Variants in RCOR3 observed in about 807,000 individuals in gnomAD.
RCOR3 encodes the protein REST corepressor 3.
Under a neutral mutation model 64.1 loss-of-function variants are expected in RCOR3, and 13 were observed. The observed-to-expected ratio is 0.20, with a 90% CI of 0.13 to 0.32. The LOEUF (loss-of-function observed/expected upper bound fraction) is 0.32, where lower values mean the gene tolerates loss of function less well. Ranked by LOEUF, RCOR3 falls within the 10% of genes least tolerant of loss-of-function variation. RCOR3 has a pLI of 1.00. For missense variants in RCOR3, 489 were observed against 701.2 expected (o/e 0.70, Z 3.42); for synonymous variants, 215 against 239.0 (o/e 0.90, Z 0.93).
At chr1:211,260,515 G>A (rs572912417) in intron 2 of RCOR3, among the ~76,000 whole-genome samples, 1 of 152,376 alleles carries the variant, frequency 6.6e-6, no homozygotes, top group Non-Finnish European at 1.5e-5. Flanking sequence ...CGGACTGTAT[G>A]GACGAACCGT....
chr1:211,260,085 TA>T (rs775664350), intron 1 of RCOR3, 22 bp from the exon 2 acceptor site: 2 of 1,577,780 alleles, frequency 1.3e-6, no homozygotes, highest in South Asian at 1.2e-5. Flanking sequence ...TTTTTATATA[TA>T]TTTTTTGGCA....
intron 2 of RCOR3, among the ~76,000 whole-genome samples, chr1:211,265,316 A>G (rs1246720703): frequency 1.3e-5 from 2 of 152,250 alleles, no homozygotes; most frequent in Admixed American, 6.5e-5. Context: ...ATATGTAGAC[A>G]AGCTTCTAAC....
At chr1:211,263,315 C>A (rs1300238852) in intron 2 of RCOR3, among the ~76,000 whole-genome samples, 2 of 151,920 alleles carry the variant, frequency 1.3e-5, no homozygotes, top group African/African-American at 4.8e-5. Flanking sequence ...CTATTGTTAA[C>A]CAACTTAATT....
At chr1:211,291,556 T>C (rs942085451) in intron 8 of RCOR3, 1 of 456,212 alleles carries the variant, frequency 2.2e-6, no homozygotes, top group South Asian at 1.5e-5. Flanking sequence ...TTGGACTGTA[T>C]CCCCTGCGGA....
Position 211,313,860 on chromosome 1 carries a change from T to TCTAGATAC in RCOR3, c.*93_*100dup. On this transcript the variant is annotated 3_prime_UTR_variant, in exon 12 of 12. Coordinates refer to ENST00000419091, the MANE Select transcript of RCOR3 (RefSeq NM_001136223.3). The surrounding 1 kb of genome is among the most constrained non-coding windows in gnomAD (Gnocchi z 4.7). ...TGAAAAAGAGGAAAGAATAATCATTTCTAGATACTGAGGCTGCGAACTAGT... is the reference window on the plus strand; with the variant it reads ...TGAAAAAGAGGAAAGAATAATCATTTCTAGATACCTAGATACTGAGGCTGCGAACTAGT... 1 of 1,188,438 alleles carries TCTAGATAC rather than the reference T, an allele frequency of 8.4e-7. No homozygotes were observed. The highest frequency in any genetic ancestry group is 1.2e-6 in the Non-Finnish European group (1 of 847,540). The allele number at this position is 1,188,438 out of a possible 1,614,324, so 73.6% of individuals were successfully genotyped here. A position where few individuals can be genotyped will look rare whatever the true frequency, so the allele number is the denominator to read the frequency against.
rs531483623 is a variant in RCOR3, at chr1:211,314,572, C to G, written c.*804C>G. 1 of 152,256 alleles carries G rather than the reference C, an allele frequency of 6.6e-6. No individual in the cohort carries two copies. The highest frequency in any genetic ancestry group is 6.5e-5 in the Admixed American group (1 of 15,300). The allele number at this position is 152,256 out of a possible 1,614,324, so 9.4% of individuals were successfully genotyped here. ...AGGACTTAATTTGTTGAAATATAAT[C>G]TCTTTAAGTTCCTTGAAAATGGAGT... On this transcript the variant is annotated 3_prime_UTR_variant, in exon 12 of 12. Coordinates refer to ENST00000419091, the MANE Select transcript of RCOR3 (RefSeq NM_001136223.3).
At chr1:211,264,655 C>T (rs546138764) in intron 2 of RCOR3, among the ~76,000 whole-genome samples, 1 of 151,932 alleles carries the variant, frequency 6.6e-6, no homozygotes, top group Non-Finnish European at 1.5e-5. Context: ...CTGTACTATA[C>T]CCTGGGTGAC....
chr1:211,308,668 T>TTG (rs1455359402), intron 10 of RCOR3, among the ~76,000 whole-genome samples: 1 of 25,128 alleles, frequency 4.0e-5, no homozygotes, highest in African/African-American at 9.1e-5. Context: ...TGTGTTTTTT[T>TTG]TTTTGTTTTT....
chr1:211,259,763 C>A, intron 1 of RCOR3, 37 bp downstream of exon 1: 2 of 1,042,866 alleles, frequency 1.9e-6, no homozygotes, highest in Non-Finnish European at 1.3e-6. Flanking sequence ...AGCCCGCCTG[C>A]CCCCCTCCCT....
intron 2 of RCOR3, among the ~76,000 whole-genome samples, chr1:211,261,620 G>GTGCT (rs1694286485): frequency 6.6e-6 from 1 of 152,110 alleles, no homozygotes; most frequent in African/African-American, 2.4e-5. Flanking sequence ...GCACATTTTG[G>GTGCT]CTTTAAGAGA....
chr1:211,259,461 T>C lies in RCOR3; in HGVS notation c.-100T>C. ...CTCCTCCGCCGCCGCCGCCGTCTCC[T>C]CCTCCTCCTCCTTTCCCTCCCGCCC... On this transcript the variant is annotated 5_prime_UTR_variant, in exon 1 of 12. Coordinates refer to ENST00000419091, the MANE Select transcript of RCOR3 (RefSeq NM_001136223.3). The C allele has an allele frequency of 1.6e-6, 2 of 1,218,568 alleles. No homozygotes were observed. The highest frequency in any genetic ancestry group is 2.2e-6 in the Non-Finnish European group (2 of 891,158). 75.5% of individuals were successfully genotyped at this position (1,218,568 alleles called of 1,614,324 possible).
intron 1 of RCOR3, 57 bp downstream of exon 1, chr1:211,259,783 C>A: frequency 1.5e-6 from 2 of 1,323,472 alleles, no homozygotes; most frequent in African/African-American, 3.2e-5. Flanking sequence ...TCTTCCCCTC[C>A]CCCAGCCCCC....
chr1:211,267,873 A>G (rs781138299), intron 2 of RCOR3: 2 of 387,724 alleles, frequency 5.2e-6, no homozygotes, highest in South Asian at 3.6e-5. Context: ...GATTATAGGT[A>G]AGAGCCACTG....
intron 2 of RCOR3, among the ~76,000 whole-genome samples, chr1:211,262,822 G>GA (rs1694549974): frequency 7.0e-6 from 1 of 142,938 alleles, no homozygotes; most frequent in East Asian, 2.0e-4. Context: ...ATGGCCACTG[G>GA]TTTTTTTTTT....
At chr1:211,269,992 T>A (rs1382725542) in intron 2 of RCOR3, among the ~76,000 whole-genome samples, 1 of 152,094 alleles carries the variant, frequency 6.6e-6, no homozygotes, top group Admixed American at 6.5e-5. Context: ...TTAGAAAATG[T>A]TACTATTCTT....
At chr1:211,287,564 G>A (rs1033367089) in intron 7 of RCOR3, among the ~76,000 whole-genome samples, 4 of 152,152 alleles carry the variant, frequency 2.6e-5, no homozygotes, top group Non-Finnish European at 5.9e-5. Context: ...AGGTAGCTTC[G>A]AGCAATTAAG....
At position 211,313,317 on chromosome 1, in the gene RCOR3, GT is replaced by G; in HGVS notation, c.1318-103del. 6.8e-7 allele frequency: 1 copy of G among 1,464,014 alleles called. No individual in the cohort carries two copies. The allele number at this position is 1,464,014 out of a possible 1,614,324, so 90.7% of individuals were successfully genotyped here. On this transcript the variant is annotated intron_variant, in intron 11 of 11. Transcript: ENST00000419091. This position sits in a 1 kb window ranked among gnomAD's most constrained non-coding sequence, Gnocchi z 4.7. Reference sequence around the variant, plus strand: ...CAATAAACACTGGTGTTATGTTTTTGTTTTGTTTTGATTTGTTTTGTTTTTC... The same window carrying G: ...CAATAAACACTGGTGTTATGTTTTTGTTTGTTTTGATTTGTTTTGTTTTTC...
chr1:211,312,442 G>A lies in RCOR3; in HGVS notation c.1076-278G>A, dbSNP rs1701592029. 1.8e-6 allele frequency: 1 copy of A among 555,082 alleles called. No individual in the cohort carries two copies. 34.4% of individuals were successfully genotyped at this position (555,082 alleles called of 1,614,324 possible). A position where few individuals can be genotyped will look rare whatever the true frequency, so the allele number is the denominator to read the frequency against. ...TTTACAATAAATGGACTGTATTTGA[G>A]AGTTCAAGAGAGGATTGGAGAAAAT... is the stretch of plus-strand genomic sequence containing the variant. On this transcript the variant is annotated intron_variant, in intron 10 of 11. Transcript: ENST00000419091. The surrounding 1 kb of genome is among the most constrained non-coding windows in gnomAD (Gnocchi z 5.0).
chr1:211,285,196 T>A (rs555554491), intron 7 of RCOR3, among the ~76,000 whole-genome samples: 1 of 152,348 alleles, frequency 6.6e-6, no homozygotes, highest in East Asian at 1.9e-4. Context: ...GCTGAACTGG[T>A]TAGTATCACC....
Sources: allele counts gnomAD v4.1 joint callset (sites outside exome capture counted in the v4.1 genomes callset), GRCh38; gene constraint gnomAD v4.1.1; non-coding constraint Gnocchi (gnomAD v3.1); transcripts MANE v1.5; gene names NCBI Gene and HGNC (gene_info 2026-07-23, HGNC 2026-07-21).